The following PDIA4 variants were observed in gnomAD, a reference collection of about 807,000 sequenced individuals.
PDIA4 encodes the protein protein disulfide-isomerase A4.
A neutral mutation model predicts 62.1 loss-of-function variants in PDIA4; 33 were observed. The observed-to-expected ratio is 0.53, with a 90% CI of 0.40 to 0.71. The LOEUF (loss-of-function observed/expected upper bound fraction) is 0.71. Among genes scored for constraint, PDIA4 ranks in the 30% least tolerant of loss-of-function variants. The pLI, the probability that PDIA4 is intolerant of heterozygous loss-of-function variation, is 0.00. For synonymous variants in PDIA4, 341 were observed against 324.1 expected (o/e 1.05, Z -0.56); for missense variants, 804 against 813.6 (o/e 0.99, Z 0.14).
rs1184341612 is a variant in PDIA4, at chr7:149,025,070, C to CA, written c.88+3250dup. Among the ~76,000 whole-genome samples, 159 of 70,224 alleles carry CA rather than the reference C, an allele frequency of 2.3e-3. 3 individuals carry two copies. In the East Asian group the frequency reaches 0.054, roughly 24 times the overall value. The allele number at this position is 70,224 out of a possible 152,430, so 46.1% of individuals were successfully genotyped here. ...GGACAACAAGAGTGAAACTCCATCT[C>CA]AAAAAAAAAAAAAAAATATATATAT... On this transcript the variant is annotated intron_variant, in intron 1 of 9. Coordinates refer to ENST00000652332, the MANE Select transcript of PDIA4 (RefSeq NM_004911.5).
intron 3 of PDIA4, among the ~76,000 whole-genome samples, chr7:149,015,604 C>T (rs1824106125): frequency 6.6e-6 from 1 of 152,030 alleles, no homozygotes; most frequent in African/African-American, 2.4e-5. Flanking sequence ...TCTGTGGCCT[C>T]ATTCTCCAGA....
intron 1 of PDIA4, among the ~76,000 whole-genome samples, 171 bp downstream of exon 1, chr7:149,028,150 A>C (rs1339022053): frequency 4.0e-5 from 6 of 149,658 alleles, no homozygotes; most frequent in African/African-American, 9.9e-5. Context: ...TGCCACAGCC[A>C]CCGCCCCCGC....
intron 1 of PDIA4, among the ~76,000 whole-genome samples, chr7:149,021,395 A>G (rs1824349874): frequency 6.6e-6 from 1 of 150,448 alleles, no homozygotes; most frequent in Admixed American, 6.7e-5. Flanking sequence ...AGGCTGAGGC[A>G]GAAGAATCGC....
chr7:149,003,969 T>G lies in PDIA4; in HGVS notation c.1763A>C (p.Asn588Thr). The change falls in exon 10 of 10, where the codon AAC becomes ACC. Residue 588 changes from asparagine (N) to threonine (T), a missense_variant. Asn to Thr is a moderately conservative substitution (Grantham distance 65, BLOSUM62 0). Coordinates refer to ENST00000652332, the MANE Select transcript of PDIA4 (RefSeq NM_004911.5). Reference protein sequence around the residue: ...LVIAKMDATANDVPSDRYKVE... With the variant: ...LVIAKMDATATDVPSDRYKVE... Reference sequence around the variant, plus strand: ...CTTATAGCGGTCGCTGGGGACGTCGTTGGCAGTGGCGTCCATCTTGGCGAT... The same window carrying G: ...CTTATAGCGGTCGCTGGGGACGTCGGTGGCAGTGGCGTCCATCTTGGCGAT... 6.2e-7 allele frequency: 1 copy of G among 1,613,312 alleles called. No homozygotes were observed. The highest frequency in any genetic ancestry group is 8.5e-7 in the Non-Finnish European group (1 of 1,179,332).
intron 4 of PDIA4, among the ~76,000 whole-genome samples, chr7:149,013,760 T>G (rs1824031181): frequency 6.6e-6 from 1 of 152,164 alleles, no homozygotes; most frequent in South Asian, 2.1e-4. Flanking sequence ...AAACTGTTTG[T>G]GAATAAATGG....
chr7:149,007,848 A>T (rs1272579570), intron 7 of PDIA4, among the ~76,000 whole-genome samples: 1 of 152,254 alleles, frequency 6.6e-6, no homozygotes, highest in African/African-American at 2.4e-5. Flanking sequence ...CAGGCACTGG[A>T]GGGAGACTGG....
chr7:149,023,136 G>C (rs1824415082), intron 1 of PDIA4, among the ~76,000 whole-genome samples: 1 of 152,154 alleles, frequency 6.6e-6, no homozygotes, highest in Non-Finnish European at 1.5e-5. Flanking sequence ...CACAGAGAAA[G>C]ACAGCCTGGG....
chr7:149,009,541 G>A (rs922446667), intron 6 of PDIA4, among the ~76,000 whole-genome samples: 4 of 152,126 alleles, frequency 2.6e-5, no homozygotes, highest in African/African-American at 7.2e-5. Context: ...CTGGAGCTCC[G>A]AATGAAGTTC....
rs371382515 is a variant in PDIA4, at chr7:149,012,167, G to A, written c.808C>T (p.Arg270Ter). The change falls in exon 5 of 10, where the codon CGA (arginine) becomes TGA (stop). Residue 270 changes from arginine (R) to a stop codon, truncating the protein, a stop_gained. Coordinates refer to ENST00000652332, the MANE Select transcript of PDIA4 (RefSeq NM_004911.5). LOFTEE classifies it high-confidence loss of function. ...KGRPYDYNGP[R>*]EKYGIVDYMI... ...GGAGTGGCCATACCATATTTTTCTC[G>A]TGGGCCGTTGTAGTCATAAGGCCTT... The A allele has an allele frequency of 3.1e-6, 5 of 1,614,052 alleles. No homozygotes were observed. Among genetic ancestry groups the A allele is most frequent in the Middle Eastern group, 3.3e-4 (2 of 6,062 alleles).
chr7:149,018,952 GGAA>G (rs1430654891), intron 3 of PDIA4, 37 bp downstream of exon 3: 1 of 1,476,162 alleles, frequency 6.8e-7, no homozygotes, highest in Non-Finnish European at 9.5e-7. Context: ...ATTCCCTGCG[GGAA>G]GGAGTTCTTC....
At chr7:149,018,227 T>G (rs1824212334) in intron 3 of PDIA4, among the ~76,000 whole-genome samples, 1 of 148,490 alleles carries the variant, frequency 6.7e-6, no homozygotes, top group Admixed American at 6.7e-5. Flanking sequence ...AGACTAAGTC[T>G]CAAAAAAAAA....
intron 1 of PDIA4, 26 bp downstream of exon 1, chr7:149,028,295 C>A: frequency 6.7e-7 from 1 of 1,498,160 alleles, no homozygotes; most frequent in South Asian, 1.2e-5. Context: ...AAGCACAGCC[C>A]GACCCGCGGC....
chr7:149,007,844 C>G (rs1341671167), intron 7 of PDIA4, among the ~76,000 whole-genome samples: 1 of 152,260 alleles, frequency 6.6e-6, no homozygotes, highest in Non-Finnish European at 1.5e-5. Context: ...GGAACAGGCA[C>G]TGGAGGGAGA....
chr7:149,013,659 A>T (rs2129504727), intron 4 of PDIA4, among the ~76,000 whole-genome samples: 1 of 152,238 alleles, frequency 6.6e-6, no homozygotes, highest in Non-Finnish European at 1.5e-5. Flanking sequence ...GTGACAAAGC[A>T]AGGCCTTATC....
chr7:149,028,101 C>T lies in PDIA4; in HGVS notation c.88+220G>A, dbSNP rs1174083245. ...GCGTCGGAGCCCAAGAGACCCCGGC[C>T]ACCTTCCTCTCCCGGGAACCCCAAA... On this transcript the variant is annotated intron_variant, in intron 1 of 9. Transcript: ENST00000652332. 18 of 601,578 alleles carry T rather than the reference C, an allele frequency of 3.0e-5. No homozygotes were observed. The Admixed American group carries it at 4.9e-4, about 16-fold the overall frequency. The allele number at this position is 601,578 out of a possible 1,614,324, so 37.3% of individuals were successfully genotyped here. A position where few individuals can be genotyped will look rare whatever the true frequency, so the allele number is the denominator to read the frequency against.
chr7:149,012,645 T>TG (rs1823988430), intron 4 of PDIA4, among the ~76,000 whole-genome samples: 1 of 151,942 alleles, frequency 6.6e-6, no homozygotes, highest in South Asian at 2.1e-4. Flanking sequence ...GGGGAAAACA[T>TG]GGAGAGGCCA....
intron 1 of PDIA4, among the ~76,000 whole-genome samples, chr7:149,027,419 C>T (rs1244938552): frequency 1.3e-5 from 2 of 152,152 alleles, no homozygotes; most frequent in East Asian, 1.9e-4. Flanking sequence ...TCACGATTTC[C>T]CTACACACTA....
intron 8 of PDIA4, among the ~76,000 whole-genome samples, chr7:149,005,637 TGC>T (rs1823729238): frequency 6.6e-6 from 1 of 152,228 alleles, no homozygotes; most frequent in Admixed American, 6.5e-5. Context: ...GTCCCAGCTC[TGC>T]AGCCTCTGAA....
In PDIA4 at chr7:149,005,256, C is replaced by T. The variant is rs765795691; in HGVS notation, c.1407G>A (p.Glu469=). 1.9e-6 allele frequency: 3 copies of T among 1,614,182 alleles called. 1 individual carries two copies. In the South Asian group the frequency reaches 3.3e-5, roughly 18 times the overall value. ...AGEVKDLGLS[E]SGEDVNAAIL... is the part of the protein sequence containing the mutation. Reference sequence around the variant, plus strand: ...TGGCGGCATTGACATCCTCCCCACTCTCGCTGAGCCCCAGGTCCTTCACCT... The same window carrying T: ...TGGCGGCATTGACATCCTCCCCACTTTCGCTGAGCCCCAGGTCCTTCACCT... Residue 469 remains glutamate, a synonymous_variant, in exon 9 of 10, where the codon GAG becomes GAA. Transcript: ENST00000652332.
Sources: gnomAD v4.1 joint callset for allele counts (sites outside exome capture counted in the v4.1 genomes callset) on GRCh38, gnomAD v4.1.1 for gene constraint, MANE v1.5 for transcripts, NCBI Gene and HGNC (gene_info 2026-07-23, HGNC 2026-07-21) for gene names.